Variants in ERMP1 observed in about 807,000 individuals in gnomAD.
ERMP1 encodes Felix-ina.
A neutral mutation model predicts 92.0 loss-of-function variants in ERMP1; 86 were observed. The observed-to-expected ratio is 0.93, with a 90% CI of 0.79 to 1.12. The LOEUF (loss-of-function observed/expected upper bound fraction) is 1.12, where lower values mean the gene tolerates loss of function less well. Among genes scored for constraint, ERMP1 ranks in the 50% most tolerant of loss-of-function variants. The pLI is 0.00. For synonymous variants in ERMP1, 530 were observed against 412.8 expected (o/e 1.28, Z -3.44); for missense variants, 1,342 against 1,116.3 (o/e 1.20, Z -2.88).
At chr9:5,842,842 T>C (rs1830182433) in intron 6 of ERMP1, among the ~76,000 whole-genome samples, 1 of 152,244 alleles carries the variant, frequency 6.6e-6, no homozygotes, top group Non-Finnish European at 1.5e-5. Context: ...AACAGATCTG[T>C]AGCAGAGATG....
At position 5,801,243 on chromosome 9, in the gene ERMP1, C is replaced by A; in HGVS notation, c.2000G>T (p.Cys667Phe). 6.2e-7 allele frequency: 1 copy of A among 1,613,884 alleles called. No homozygotes were observed. ...LVCAITFLLV[C>F]SGTFFPYSSN... ...GCTATATGGAAAAAATGTTCCACTG[C>A]AAACAAGGAGGAATGTAATTGCACA... is the stretch of plus-strand genomic sequence containing the variant. Residue 667 changes from cysteine (C) to phenylalanine (F), a missense_variant, in exon 11 of 15, where the codon TGC (cysteine) becomes TTC (phenylalanine). Coordinates refer to ENST00000339450, the MANE Select transcript of ERMP1 (RefSeq NM_024896.3).
chr9:5,814,643 T>C (rs578063033), intron 4 of ERMP1, among the ~76,000 whole-genome samples: 9 of 152,222 alleles, frequency 5.9e-5, no homozygotes, highest in Admixed American at 3.3e-4. Context: ...GGCAGGAGAA[T>C]TGCTTAGACC....
intron 4 of ERMP1, among the ~76,000 whole-genome samples, chr9:5,814,588 C>T (rs1829231124): frequency 6.6e-6 from 1 of 151,956 alleles, no homozygotes; most frequent in African/African-American, 2.4e-5. Context: ...ACTAAAAATA[C>T]AAAAATAAGC....
chr9:5,848,950 G>C (rs945741312), intron 6 of ERMP1, among the ~76,000 whole-genome samples: 1 of 152,180 alleles, frequency 6.6e-6, no homozygotes, highest in East Asian at 1.9e-4. Context: ...CCTAGCTGAG[G>C]AAACCAAGTG....
chr9:5,824,343 G>T (rs1195589015), intron 3 of ERMP1, among the ~76,000 whole-genome samples: 1 of 152,202 alleles, frequency 6.6e-6, no homozygotes, highest in Admixed American at 6.5e-5. Flanking sequence ...GGAGGCCATG[G>T]TGGGAAGATC....
chr9:5,793,509 G>C (rs1224458103), intron 13 of ERMP1, among the ~76,000 whole-genome samples: 1 of 151,926 alleles, frequency 6.6e-6, no homozygotes, highest in Non-Finnish European at 1.5e-5. Flanking sequence ...AGAGCGTCAG[G>C]GTGGATCAAA....
At chr9:5,816,530 G>C (rs1829311695) in intron 4 of ERMP1, among the ~76,000 whole-genome samples, 1 of 152,044 alleles carries the variant, frequency 6.6e-6, no homozygotes, top group African/African-American at 2.4e-5. Flanking sequence ...ACTTAATTTA[G>C]GACTTTTGCA....
chr9:5,857,467 T>G (rs1830392473), intron 6 of ERMP1, among the ~76,000 whole-genome samples: 1 of 152,216 alleles, frequency 6.6e-6, no homozygotes, highest in Non-Finnish European at 1.5e-5. Flanking sequence ...CCATGAAAAT[T>G]GATTTGGGGA....
At chr9:5,821,119 A>G (rs1829519184) in intron 4 of ERMP1, among the ~76,000 whole-genome samples, 1 of 152,258 alleles carries the variant, frequency 6.6e-6, no homozygotes. Context: ...CAGAACAAGT[A>G]AAACATTTAA....
rs147661305 is a variant in ERMP1 at position 5,811,562 on chromosome 9, C to T, written c.1115-239G>A. On this transcript the variant is annotated intron_variant, in intron 6 of 14. Coordinates refer to ENST00000339450, the MANE Select transcript of ERMP1 (RefSeq NM_024896.3). ...CATCCCCTGCCTTTCTCCATTTCCT[C>T]TCCACTCAGACGCTCAGCCAACTGG... Among the ~76,000 whole-genome samples the T allele has an allele frequency of 4.8e-4, 73 of 152,324 alleles. No homozygotes were observed. The East Asian group carries it at 0.014, about 29-fold the overall frequency.
At chr9:5,840,721 T>C (rs1325165589) in intron 6 of ERMP1, among the ~76,000 whole-genome samples, 23 of 152,246 alleles carry the variant, frequency 1.5e-4, no homozygotes, top group Non-Finnish European at 5.9e-5. Flanking sequence ...CGTTTCTTCA[T>C]CTGAGAAGTG....
At chr9:5,866,426 T>C (rs1830664673) in intron 5 of ERMP1, among the ~76,000 whole-genome samples, 1 of 152,220 alleles carries the variant, frequency 6.6e-6, no homozygotes, top group African/African-American at 2.4e-5. Flanking sequence ...CAAACAGAGC[T>C]GCTCCTCCAC....
intron 5 of ERMP1, among the ~76,000 whole-genome samples, chr9:5,861,122 A>C (rs1374155464): frequency 6.6e-6 from 1 of 151,272 alleles, no homozygotes; most frequent in African/African-American, 2.4e-5. Context: ...CTCTCTGTCA[A>C]AATGTTTCTG....
Position 5,813,414 on chromosome 9 carries a change from T to G in ERMP1, c.875-379A>C, listed in dbSNP as rs185585604. On this transcript the variant is annotated intron_variant, in intron 4 of 14. Coordinates refer to ENST00000339450, the MANE Select transcript of ERMP1 (RefSeq NM_024896.3). ...TATACTTTGTACATTTGTTTTCACT[T>G]AACATTATATTAAATGCATTTTCCT... Among the ~76,000 whole-genome samples the G allele has an allele frequency of 5.9e-5, 9 of 152,338 alleles. No homozygotes were observed. The Middle Eastern group carries it at 0.01, about 173-fold the overall frequency.
Position 5,812,975 on chromosome 9 carries a change from G to A in ERMP1, c.935C>T (p.Ser312Phe), listed in dbSNP as rs1324139720. The A allele has an allele frequency of 6.2e-7, 1 of 1,614,042 alleles. No homozygotes were observed. Among genetic ancestry groups the A allele is most frequent in the Non-Finnish European group, 8.5e-7 (1 of 1,179,942 alleles). ...YVSAAKHPFA[S>F]VVAQEVFQSG... ...CTGAAAAACCTCCTGAGCCACCACAGAAGCAAAAGGGTGTTTAGCTGCTGA... is the reference window on the plus strand; with the variant it reads ...CTGAAAAACCTCCTGAGCCACCACAAAAGCAAAAGGGTGTTTAGCTGCTGA... The change falls in exon 5 of 15, where the codon TCT becomes TTT. Residue 312 changes from serine (S) to phenylalanine (F), a missense_variant. Transcript: ENST00000339450.
intron 6 of ERMP1, chr9:5,855,886 G>C (rs1477905888): frequency 9.9e-6 from 2 of 201,410 alleles, no homozygotes; most frequent in Non-Finnish European, 2.1e-5. Flanking sequence ...AGCAAGCCTG[G>C]GCTCTTGCAT....
upstream of ERMP1, chr9:5,833,196 G>C: frequency 3.2e-6 from 2 of 615,818 alleles, no homozygotes; most frequent in Non-Finnish European, 5.1e-6. Flanking sequence ...AGCTTCTTTG[G>C]CAGTTCTCGG....
chr9:5,819,905 G>C (rs1300907303), intron 4 of ERMP1, among the ~76,000 whole-genome samples: 1 of 152,040 alleles, frequency 6.6e-6, no homozygotes. Flanking sequence ...TTCCTATTTG[G>C]GATGATAAAA....
intron 9 of ERMP1, 123 bp downstream of exon 9, chr9:5,805,488 A>G: frequency 1.2e-6 from 1 of 830,334 alleles, no homozygotes; most frequent in Non-Finnish European, 1.8e-6. Flanking sequence ...GTGTGGTATG[A>G]AAACTTTTAA....
Sources: allele counts gnomAD v4.1 joint callset (sites outside exome capture counted in the v4.1 genomes callset), GRCh38; gene constraint gnomAD v4.1.1; transcripts MANE v1.5; gene names NCBI Gene and HGNC (gene_info 2026-07-23, HGNC 2026-07-21).